SLC25A21: variants seen among roughly 807,000 people sequenced by gnomAD.
SLC25A21 encodes mitochondrial 2-oxodicarboxylate carrier.
A neutral mutation model predicts 43.8 loss-of-function variants in SLC25A21; 47 were observed. The ratio of observed to expected loss-of-function variants is 1.07; its 90% CI spans 0.85 to 1.37. The LOEUF (loss-of-function observed/expected upper bound fraction) is 1.37. Among genes scored for constraint, SLC25A21 ranks in the 40% most tolerant of loss-of-function variants. The pLI, the probability that SLC25A21 is intolerant of heterozygous loss-of-function variation, is 0.00. For synonymous variants in SLC25A21, 131 were observed against 121.3 expected, an observed-to-expected ratio of 1.08 and a Z score of -0.52; for missense variants, 352 against 350.2, an observed-to-expected ratio of 1.00 and a Z score of -0.04.
At chr14:37,156,772 A>G (rs1011137447) in intron 1 of SLC25A21, among the ~76,000 whole-genome samples, 1 of 152,074 alleles carries the variant, frequency 6.6e-6, no homozygotes, top group Non-Finnish European at 1.5e-5. Context: ...AAGCACCCAG[A>G]TTCATCAAGC....
At position 36,679,936 on chromosome 14, in the gene SLC25A21, A is replaced by T; in HGVS notation, c.*722T>A. ...GTTAGAAGAGATTTGGAATACCTTG[A>T]TTTAAACATGCTTAAACAACAGTGT... is the stretch of plus-strand genomic sequence containing the variant. On this transcript the variant is annotated 3_prime_UTR_variant, in exon 10 of 10. Transcript: ENST00000331299. 1.1e-6 allele frequency: 1 copy of T among 907,124 alleles called. No individual in the cohort carries two copies. The highest frequency in any genetic ancestry group is 1.3e-6 in the Non-Finnish European group (1 of 764,238). The allele number at this position is 907,124 out of a possible 1,614,324, so 56.2% of individuals were successfully genotyped here.
intron 1 of SLC25A21, among the ~76,000 whole-genome samples, chr14:36,919,656 T>C (rs1292267822): frequency 6.6e-6 from 1 of 151,422 alleles, no homozygotes; most frequent in African/African-American, 2.4e-5. Flanking sequence ...TCTATCTATC[T>C]ATCTATCTAT....
intron 1 of SLC25A21, among the ~76,000 whole-genome samples, chr14:36,922,033 T>C (rs1163723104): frequency 1.3e-5 from 2 of 151,374 alleles, no homozygotes; most frequent in Admixed American, 1.3e-4. Context: ...TAATCGCAGC[T>C]ACTTGGGAGG....
chr14:37,008,672 A>T (rs1960662564), intron 1 of SLC25A21, among the ~76,000 whole-genome samples: 1 of 152,230 alleles, frequency 6.6e-6, no homozygotes, highest in African/African-American at 2.4e-5. Flanking sequence ...AAAGAGGTAC[A>T]GCACTCACCA....
intron 1 of SLC25A21, among the ~76,000 whole-genome samples, chr14:37,150,776 G>A (rs1037586045): frequency 3.3e-5 from 5 of 152,008 alleles, no homozygotes; most frequent in African/African-American, 7.3e-5. Context: ...TGTCCTAGGC[G>A]GACGCTCCAA....
chr14:36,977,214 T>C (rs1959895631), intron 1 of SLC25A21, among the ~76,000 whole-genome samples: 1 of 152,208 alleles, frequency 6.6e-6, no homozygotes. Context: ...CTATCCTCAA[T>C]AGTTTTCGTT....
rs1447775368 is a variant in SLC25A21 at position 37,002,801 on chromosome 14, C to A, written c.71-127797G>T. Among the ~76,000 whole-genome samples the A allele has an allele frequency of 2.0e-5, 3 of 152,304 alleles. No homozygotes were observed. The East Asian group carries it at 5.8e-4, about 29-fold the overall frequency. ...GCGGGAAGGGCTAGTCCATGATATT[C>A]TGGTGCTTTCTTTCCAGTAACTCCA... On this transcript the variant is annotated intron_variant, in intron 1 of 9. Transcript: ENST00000331299.
intron 1 of SLC25A21, among the ~76,000 whole-genome samples, chr14:37,092,558 T>C (rs1309492878): frequency 1.3e-5 from 2 of 152,144 alleles, no homozygotes; most frequent in Non-Finnish European, 2.9e-5. Context: ...GGGATTTCTT[T>C]AGGGATGAGC....
intron 1 of SLC25A21, among the ~76,000 whole-genome samples, chr14:37,018,339 A>AC (rs1271039524): frequency 1.3e-5 from 2 of 151,936 alleles, no homozygotes; most frequent in Non-Finnish European, 2.9e-5. Flanking sequence ...CTCTCCTCTC[A>AC]CCTGCTCATT....
At chr14:37,060,730 A>G (rs1320643119) in intron 1 of SLC25A21, among the ~76,000 whole-genome samples, 1 of 152,142 alleles carries the variant, frequency 6.6e-6, no homozygotes, top group Non-Finnish European at 1.5e-5. Context: ...AAGTTCTCCA[A>G]CACTTAGAAA....
chr14:36,862,958 C>T (rs985839515), intron 2 of SLC25A21, among the ~76,000 whole-genome samples: 1 of 152,012 alleles, frequency 6.6e-6, no homozygotes, highest in Non-Finnish European at 1.5e-5. Context: ...TTGTGATGGG[C>T]ATTGGCTAAA....
chr14:37,027,255 AT>A (rs33963926), intron 1 of SLC25A21, among the ~76,000 whole-genome samples: 70,660 of 151,918 alleles, frequency 0.47, 19,248 homozygotes, highest in African/African-American at 0.77. Flanking sequence ...TAATACATCT[AT>A]TATCTAGCTA....
chr14:36,973,366 G>A (rs916828557), intron 1 of SLC25A21, among the ~76,000 whole-genome samples: 1 of 152,176 alleles, frequency 6.6e-6, no homozygotes, highest in Non-Finnish European at 1.5e-5. Context: ...GCAAAGGCAC[G>A]TGAGAAACAT....
At chr14:36,796,749 TC>T in intron 3 of SLC25A21, among the ~76,000 whole-genome samples, 1 of 152,270 alleles carries the variant, frequency 6.6e-6, no homozygotes, top group East Asian at 1.9e-4. Flanking sequence ...CCTGCCAAGA[TC>T]CATGTGGACA....
At chr14:36,711,279 G>A in intron 7 of SLC25A21, 39 bp downstream of exon 7, 1 of 1,592,750 alleles carries the variant, frequency 6.3e-7, no homozygotes, top group South Asian at 1.1e-5. Flanking sequence ...ATCACTGATA[G>A]GATTTTTCCT....
chr14:36,682,694 T>TC (rs1882332488), intron 9 of SLC25A21, among the ~76,000 whole-genome samples: 1 of 152,016 alleles, frequency 6.6e-6, no homozygotes, highest in Non-Finnish European at 1.5e-5. Context: ...TGCACAAAAT[T>TC]CCCCACGTTC....
At chr14:37,108,118 C>A (rs1962948611) in intron 1 of SLC25A21, among the ~76,000 whole-genome samples, 1 of 152,204 alleles carries the variant, frequency 6.6e-6, no homozygotes, top group South Asian at 2.1e-4. Flanking sequence ...TCTCTTTTTG[C>A]CTCCCAAGAT....
chr14:36,934,302 A>G (rs1363086307), intron 1 of SLC25A21, among the ~76,000 whole-genome samples: 2 of 150,568 alleles, frequency 1.3e-5, no homozygotes, highest in African/African-American at 4.8e-5. Flanking sequence ...TTGAAAGGTG[A>G]AAAAATCTTA....
At chr14:37,026,612 C>T (rs1192754661) in intron 1 of SLC25A21, among the ~76,000 whole-genome samples, 5 of 152,126 alleles carry the variant, frequency 3.3e-5, no homozygotes, top group Non-Finnish European at 7.3e-5. Context: ...GTGTCCCATA[C>T]TCAAGTAAGT....
Sources: gnomAD v4.1 joint callset for allele counts (sites outside exome capture counted in the v4.1 genomes callset) on GRCh38, gnomAD v4.1.1 for gene constraint, MANE v1.5 for transcripts, NCBI Gene and HGNC (gene_info 2026-07-23, HGNC 2026-07-21) for gene names.